GLIS1: variants seen among roughly 807,000 people sequenced by gnomAD.
GLIS1 encodes GLIS family zinc finger 1, also known as zinc finger protein GLIS1.
Under a neutral mutation model 63.8 loss-of-function variants are expected in GLIS1, and 24 were observed. That is an observed-to-expected ratio of 0.38 (90% CI 0.27 to 0.53). The LOEUF (loss-of-function observed/expected upper bound fraction) is 0.53. Ranked by LOEUF, GLIS1 falls within the 20% of genes least tolerant of loss-of-function variation. The pLI is 0.85. For missense variants in GLIS1, 1,036 were observed against 1,074.1 expected (o/e 0.96, Z 0.50); for synonymous variants, 450 against 482.5 (o/e 0.93, Z 0.88).
At chr1:53,737,730 C>T in intron 2 of GLIS1, 76 bp downstream of exon 2, 2 of 1,215,562 alleles carry the variant, frequency 1.6e-6, no homozygotes, top group Non-Finnish European at 2.1e-6. Flanking sequence ...CAAGCTCTCC[C>T]GAGCACGCGG....
At chr1:53,722,414 C>T (rs1273002481) in intron 2 of GLIS1, among the ~76,000 whole-genome samples, 1 of 152,182 alleles carries the variant, frequency 6.6e-6, no homozygotes, top group Non-Finnish European at 1.5e-5. Flanking sequence ...TTTGTATTCA[C>T]ATAAACTATC....
At chr1:53,660,497 A>G (rs1646015260) in intron 2 of GLIS1, among the ~76,000 whole-genome samples, 1 of 152,182 alleles carries the variant, frequency 6.6e-6, no homozygotes, top group Non-Finnish European at 1.5e-5. Context: ...GAGAAACTTG[A>G]GCCCACATTC....
intron 4 of GLIS1, among the ~76,000 whole-genome samples, chr1:53,563,609 A>G (rs1299637812): frequency 1.3e-5 from 2 of 152,246 alleles, no homozygotes; most frequent in South Asian, 2.1e-4. Flanking sequence ...TAGCAGCCAG[A>G]ATAAGAAGGC....
intron 2 of GLIS1, among the ~76,000 whole-genome samples, chr1:53,622,427 C>CAAAAAAAAA (rs60923620): frequency 2.0e-4 from 26 of 132,332 alleles, no homozygotes; most frequent in South Asian, 7.9e-4. Context: ...GACTATGTCT[C>CAAAAAAAAA]AAAAAAAAAA....
chr1:53,675,305 C>T (rs866622802), intron 2 of GLIS1, among the ~76,000 whole-genome samples: 4 of 152,190 alleles, frequency 2.6e-5, no homozygotes, highest in Non-Finnish European at 5.9e-5. Flanking sequence ...AAATCACTCA[C>T]CTGGGATTAT....
rs576361079 is a variant in GLIS1 at position 53,716,244 on chromosome 1, G to A, written c.259+21562C>T. ...TTTGACAGACAGCTACAGGTGGTTC[G>A]ATCTTAACTAGGGTAGGGGCCCAAC... On this transcript the variant is annotated intron_variant, in intron 2 of 10. Coordinates refer to ENST00000628545, the MANE Select transcript of GLIS1 (RefSeq NM_001367484.1). Among the ~76,000 whole-genome samples the A allele has an allele frequency of 1.5e-4, 23 of 152,252 alleles. No homozygotes were observed. The South Asian group carries it at 4.6e-3, about 30-fold the overall frequency.
intron 2 of GLIS1, among the ~76,000 whole-genome samples, chr1:53,620,862 G>A (rs926985426): frequency 1.1e-4 from 17 of 152,212 alleles, no homozygotes; most frequent in African/African-American, 2.4e-4. Context: ...GCCTCACACC[G>A]TATCCAGATC....
rs566084750 is a variant in GLIS1, at chr1:53,604,941, TAC to T, written c.260-4665_260-4664del. Among the ~76,000 whole-genome samples, 423 of 11,494 alleles carry T rather than the reference TAC, an allele frequency of 0.037. 1 individual carries two copies. The Non-Finnish European group carries it at 0.43, about 12-fold the overall frequency. 7.5% of individuals were successfully genotyped at this position (11,494 alleles called of 152,430 possible). A position where few individuals can be genotyped will look rare whatever the true frequency, so the allele number is the denominator to read the frequency against. ...GTGTGTGTGTGTGTGTGTATATATA[TAC>T]ATATATATATATACACACACACACA... On this transcript the variant is annotated intron_variant, in intron 2 of 10. Coordinates refer to ENST00000628545, the MANE Select transcript of GLIS1 (RefSeq NM_001367484.1).
intron 2 of GLIS1, among the ~76,000 whole-genome samples, chr1:53,676,620 C>A (rs554847349): frequency 6.6e-6 from 1 of 152,286 alleles, no homozygotes; most frequent in East Asian, 1.9e-4. Flanking sequence ...ACCCCCAGCC[C>A]CAGCCCTGCC....
At chr1:53,702,547 G>A (rs547644323) in intron 2 of GLIS1, among the ~76,000 whole-genome samples, 1 of 152,290 alleles carries the variant, frequency 6.6e-6, no homozygotes, top group African/African-American at 2.4e-5. Context: ...AGAGCCACCT[G>A]GCCACAGGCC....
chr1:53,732,616 G>C (rs1343627898), intron 2 of GLIS1, among the ~76,000 whole-genome samples: 1 of 151,982 alleles, frequency 6.6e-6, no homozygotes, highest in Non-Finnish European at 1.5e-5. Context: ...CCTGGCCCTG[G>C]TATTACAGCT....
At chr1:53,738,965 G>A (rs1646940809) in intron 1 of GLIS1, among the ~76,000 whole-genome samples, 140 bp downstream of exon 1, 1 of 152,126 alleles carries the variant, frequency 6.6e-6, no homozygotes, top group Non-Finnish European at 1.5e-5. Context: ...TCCATCAGGG[G>A]CCCCCAAACT....
chr1:53,736,990 A>AAT (rs1557549007), intron 2 of GLIS1, among the ~76,000 whole-genome samples: 1 of 151,556 alleles, frequency 6.6e-6, no homozygotes, highest in African/African-American at 2.4e-5. Flanking sequence ...GGAAAAAAAA[A>AAT]GGGGGGAGGA....
chr1:53,639,491 G>A lies in GLIS1; in HGVS notation c.260-39213C>T, dbSNP rs934981923. On this transcript the variant is annotated intron_variant, in intron 2 of 10. Coordinates refer to ENST00000628545, the MANE Select transcript of GLIS1 (RefSeq NM_001367484.1). The surrounding 1 kb of genome is among the most constrained non-coding windows in gnomAD (Gnocchi z 4.6). The stretch of plus-strand genomic sequence containing the variant: ...CAATCAGTAAATTCCAAGCAGATGC[G>A]CACAGGCTGTTTTGGTTGGAACCCT... Among the ~76,000 whole-genome samples, 2 of 152,100 alleles carry A rather than the reference G, an allele frequency of 1.3e-5. No homozygotes were observed. The highest frequency in any genetic ancestry group is 2.9e-5 in the Non-Finnish European group (2 of 68,016).
intron 2 of GLIS1, among the ~76,000 whole-genome samples, chr1:53,687,681 C>G (rs1455137046): frequency 6.6e-6 from 1 of 152,198 alleles, no homozygotes; most frequent in African/African-American, 2.4e-5. Flanking sequence ...CACCACCCAG[C>G]CAGGGTCTTC....
Position 53,532,869 on chromosome 1 carries a change from TC to T in GLIS1, c.1321-2918del, listed in dbSNP as rs1644545310. ...CTCAGCACAGTTGCTCTGTCTCTAT[TC>T]GGACTGTCCCCCTCCTGGGACTCCT... On this transcript the variant is annotated intron_variant, in intron 4 of 10. Transcript: ENST00000628545. Among the ~76,000 whole-genome samples the T allele has an allele frequency of 1.3e-5, 2 of 152,244 alleles. 1 individual carries two copies. Among genetic ancestry groups the T allele is most frequent in the South Asian group, 4.1e-4 (2 of 4,830 alleles).
chr1:53,542,793 G>C (rs1644657725), intron 4 of GLIS1, among the ~76,000 whole-genome samples: 1 of 152,196 alleles, frequency 6.6e-6, no homozygotes, highest in South Asian at 2.1e-4. Context: ...CCTGAAGCAG[G>C]GCTGCTCCCA....
rs376755747 is a variant in GLIS1, at chr1:53,594,403, G to C, written c.1025C>G (p.Pro342Arg). The part of the protein sequence containing the change: ...FGPHQQGLPP[P>R]YPLSQLPPGP... ...AGGCGGCAACTGAGACAGGGGATAG[G>C]GGGGCGGCAGGCCCTGCTGGTGAGG... The change falls in exon 4 of 11, where the codon CCC (proline) becomes CGC (arginine). Residue 342 changes from proline to arginine, a missense_variant. Physicochemically the swap from Pro to Arg is moderately radical, Grantham distance 103. Coordinates refer to ENST00000628545, the MANE Select transcript of GLIS1 (RefSeq NM_001367484.1). 50 of 1,612,120 alleles carry C rather than the reference G, an allele frequency of 3.1e-5. No individual in the cohort carries two copies. Among genetic ancestry groups the C allele is most frequent in the Admixed American group, 1.0e-4 (6 of 59,954 alleles).
intron 2 of GLIS1, among the ~76,000 whole-genome samples, chr1:53,708,134 T>A (rs1361803656): frequency 6.6e-6 from 1 of 151,834 alleles, no homozygotes; most frequent in Non-Finnish European, 1.5e-5. Flanking sequence ...TACAAAAAAA[T>A]TAGCTGGGCG....
Sources: gnomAD v4.1 joint callset for allele counts (sites outside exome capture counted in the v4.1 genomes callset) on GRCh38, gnomAD v4.1.1 for gene constraint, Gnocchi (gnomAD v3.1) non-coding constraint, MANE v1.5 for transcripts, NCBI Gene and HGNC (gene_info 2026-07-23, HGNC 2026-07-21) for gene names.